CHN1: variants seen among roughly 807,000 people sequenced by gnomAD.
CHN1 encodes the protein N-chimaerin.
In CHN1, 37 loss-of-function variants were observed where a neutral mutation model predicts 59.5. The observed-to-expected ratio is 0.62, with a 90% confidence interval of 0.48 to 0.82. The LOEUF is 0.82. Ranked by LOEUF, CHN1 falls within the 40% of genes least tolerant of loss-of-function variation. The pLI is 0.00. For missense variants in CHN1, 469 were observed against 571.0 expected (o/e 0.82, Z 1.82); for synonymous variants, 206 against 200.4 (o/e 1.03, Z -0.24).
chr2:174,886,818 G>GA (rs902338166), intron 5 of CHN1, among the ~76,000 whole-genome samples: 17 of 151,722 alleles, frequency 1.1e-4, no homozygotes, highest in Admixed American at 2.6e-4. Flanking sequence ...ATTTTTCTCA[G>GA]AAAAAAATGT....
rs1369111431 is a variant in CHN1 at position 174,808,890 on chromosome 2, T to C, written c.1102+15A>G. Reference sequence around the variant, plus strand: ...ACGTTGTCAGGTTATTTGAAATACATGCATTCATACTTACTGGCAGATTCT... The same window carrying C: ...ACGTTGTCAGGTTATTTGAAATACACGCATTCATACTTACTGGCAGATTCT... On this transcript the variant is annotated intron_variant, in intron 11 of 12. Coordinates refer to ENST00000409900, the MANE Select transcript of CHN1 (RefSeq NM_001822.7). 3 of 1,612,848 alleles carry C rather than the reference T, an allele frequency of 1.9e-6. No homozygotes were observed. Among genetic ancestry groups the C allele is most frequent in the African/African-American group, 1.3e-5 (1 of 74,894 alleles).
intron 5 of CHN1, among the ~76,000 whole-genome samples, chr2:174,905,658 G>A (rs983994125): frequency 2.6e-5 from 4 of 151,826 alleles, no homozygotes; most frequent in African/African-American, 9.7e-5. Flanking sequence ...TCCACCTCCC[G>A]GGTTCATGCC....
At chr2:174,943,074 A>G (rs1689715548) in intron 3 of CHN1, among the ~76,000 whole-genome samples, 1 of 152,032 alleles carries the variant, frequency 6.6e-6, no homozygotes, top group Non-Finnish European at 1.5e-5. Flanking sequence ...AAGTTAAGTA[A>G]ATAAGTAAAT....
intron 1 of CHN1, among the ~76,000 whole-genome samples, chr2:174,996,120 G>A (rs966962304): frequency 3.9e-5 from 6 of 152,294 alleles, no homozygotes; most frequent in African/African-American, 1.4e-4. Context: ...TGAGGATAAG[G>A]GGAGACTACT....
chr2:174,923,024 G>A (rs1413332059), intron 3 of CHN1, among the ~76,000 whole-genome samples: 2 of 152,116 alleles, frequency 1.3e-5, no homozygotes, highest in Admixed American at 1.3e-4. Context: ...CAGACCTGAG[G>A]GGGCCAAGGA....
chr2:174,841,538 T>C (rs934298897), intron 7 of CHN1, among the ~76,000 whole-genome samples: 2 of 152,210 alleles, frequency 1.3e-5, no homozygotes, highest in African/African-American at 4.8e-5. Context: ...GAACCTATGC[T>C]ACATACTGAT....
chr2:174,844,721 C>T (rs1470745879), intron 7 of CHN1, among the ~76,000 whole-genome samples: 1 of 152,102 alleles, frequency 6.6e-6, no homozygotes, highest in African/African-American at 2.4e-5. Context: ...GTATGACTTT[C>T]CTCCTTTCTT....
At chr2:174,975,117 AT>A (rs1690880981) in intron 1 of CHN1, among the ~76,000 whole-genome samples, 1 of 152,308 alleles carries the variant, frequency 6.6e-6, no homozygotes, top group East Asian at 1.9e-4. Flanking sequence ...TCACTATTTT[AT>A]TCCTCTACTG....
At position 174,975,380 on chromosome 2, in the gene CHN1, T is replaced by A. The variant is rs566754396; in HGVS notation, c.20-23178A>T. ...TTCTTTCATCTAAATTCACTAATTG[T>A]TAGTACTTTGTCCTATTTGTTCTCC... On this transcript the variant is annotated intron_variant, in intron 1 of 12. Transcript: ENST00000409900. 3.3e-5 allele frequency among the ~76,000 whole-genome samples: 5 copies of A among 152,290 alleles called. No homozygotes were observed. The East Asian group carries it at 9.6e-4, about 29-fold the overall frequency.
At chr2:174,817,839 G>A (rs1017705080) in intron 8 of CHN1, among the ~76,000 whole-genome samples, 6 of 151,964 alleles carry the variant, frequency 3.9e-5, no homozygotes, top group South Asian at 2.1e-4. Context: ...GAGTTTCACC[G>A]TGTTAGCCAG....
At chr2:174,805,994 C>A (rs1190713064) in intron 11 of CHN1, among the ~76,000 whole-genome samples, 1 of 152,200 alleles carries the variant, frequency 6.6e-6, no homozygotes, top group Non-Finnish European at 1.5e-5. Flanking sequence ...TTTCTCCCCT[C>A]ATTACCACAG....
At chr2:174,983,450 CA>C (rs1411384827) in intron 1 of CHN1, among the ~76,000 whole-genome samples, 3 of 151,890 alleles carry the variant, frequency 2.0e-5, no homozygotes, top group African/African-American at 7.3e-5. Context: ...GTCCCACATA[CA>C]TGAAAACAGG....
chr2:174,894,018 A>T (rs1398477339), intron 5 of CHN1, among the ~76,000 whole-genome samples: 1 of 152,188 alleles, frequency 6.6e-6, no homozygotes, highest in African/African-American at 2.4e-5. Context: ...AACTCCTAGA[A>T]GAAAACATAG....
intron 7 of CHN1, among the ~76,000 whole-genome samples, chr2:174,843,679 T>C (rs1319138523): frequency 1.3e-5 from 2 of 149,424 alleles, no homozygotes; most frequent in African/African-American, 4.9e-5. Context: ...TAAGTATAAA[T>C]AAATGTCAGT....
intron 5 of CHN1, among the ~76,000 whole-genome samples, chr2:174,896,463 T>G (rs1004492354): frequency 6.6e-6 from 1 of 152,152 alleles, no homozygotes; most frequent in Non-Finnish European, 1.5e-5. Flanking sequence ...AAAAAGCATA[T>G]GGTGACATTT....
chr2:174,906,742 A>C (rs1341702873), intron 5 of CHN1, among the ~76,000 whole-genome samples: 1 of 152,220 alleles, frequency 6.6e-6, no homozygotes, highest in Non-Finnish European at 1.5e-5. Flanking sequence ...CACTGTTTGA[A>C]TAGAAGGCAG....
intron 10 of CHN1, among the ~76,000 whole-genome samples, 173 bp from the exon 11 acceptor site, chr2:174,809,215 C>G (rs969020288): frequency 3.9e-5 from 6 of 152,082 alleles, no homozygotes; most frequent in Admixed American, 1.3e-4. Flanking sequence ...GTGAAAGAGC[C>G]TCTTCTGATC....
chr2:174,802,813 G>T (rs1385087381), intron 11 of CHN1, among the ~76,000 whole-genome samples: 1 of 152,152 alleles, frequency 6.6e-6, no homozygotes, highest in African/African-American at 2.4e-5. Context: ...GCCGAGGGGG[G>T]TGGGTCATGA....
Position 174,907,938 on chromosome 2 carries a change from T to C in CHN1, c.260+7120A>G, listed in dbSNP as rs147725659. On this transcript the variant is annotated intron_variant, in intron 5 of 12. Coordinates refer to ENST00000409900, the MANE Select transcript of CHN1 (RefSeq NM_001822.7). ...ATATAATTTTCCCAAACATCATGTTTTTTCAGTGTTTATCATTTGTTCTCA... is the reference window on the plus strand; with the variant it reads ...ATATAATTTTCCCAAACATCATGTTCTTTCAGTGTTTATCATTTGTTCTCA... Among the ~76,000 whole-genome samples the C allele has an allele frequency of 1.3e-3, 191 of 152,358 alleles. 1 individual carries two copies. The highest frequency in any genetic ancestry group is 2.4e-3 in the Non-Finnish European group (160 of 68,032).
Sources: gnomAD v4.1 joint callset for allele counts (sites outside exome capture counted in the v4.1 genomes callset) on GRCh38, gnomAD v4.1.1 for gene constraint, MANE v1.5 for transcripts, NCBI Gene and HGNC (gene_info 2026-07-23, HGNC 2026-07-21) for gene names.